Variants in SPAG7 observed in about 807,000 individuals in gnomAD.
SPAG7 encodes the protein sperm associated antigen 7.
SPAG7 carries 20 observed loss-of-function variants against 30.6 expected under a neutral mutation model. The ratio of observed to expected loss-of-function variants is 0.65; its 90% CI spans 0.46 to 0.95. SPAG7 has a LOEUF of 0.95. SPAG7 is among the 40% of genes least tolerant of loss of function. The pLI is 0.00. For synonymous variants in SPAG7, 127 were observed against 104.2 expected (o/e 1.22, Z -1.33); for missense variants, 276 against 291.1 (o/e 0.95, Z 0.38).
intron 6 of SPAG7, 25 bp downstream of exon 6, chr17:4,959,735 A>AC: frequency 6.2e-7 from 1 of 1,613,716 alleles, no homozygotes; most frequent in Non-Finnish European, 8.5e-7. Flanking sequence ...TCTCCCAGCC[A>AC]CCCCCAGCCG....
intron 1 of SPAG7, among the ~76,000 whole-genome samples, chr17:4,961,609 C>CA (rs1371553054): frequency 7.5e-6 from 1 of 134,222 alleles, no homozygotes; most frequent in Non-Finnish European, 1.6e-5. Flanking sequence ...AAAAAATATA[C>CA]AAAAAATTAG....
intron 1 of SPAG7, among the ~76,000 whole-genome samples, chr17:4,961,286 ATC>A (rs1971858296): frequency 6.6e-6 from 1 of 151,522 alleles, no homozygotes; most frequent in Non-Finnish European, 1.5e-5. Context: ...GTGAAACCCC[ATC>A]TCTACTAAAA....
rs934790867 is a variant in SPAG7 at position 4,966,630 on chromosome 17, T to C, written c.85+1090A>G. 5.1e-6 allele frequency: 5 copies of C among 985,384 alleles called. No homozygotes were observed. In the African/African-American group the frequency reaches 5.2e-5, roughly 10 times the overall value. The allele number at this position is 985,384 out of a possible 1,614,324, so 61.0% of individuals were successfully genotyped here. Reference sequence around the variant, plus strand: ...TGTTCTGATCTCGGCTCACTGCAGATTGGGGGAGAACCTCAGGTGGCCGCT... The same window carrying C: ...TGTTCTGATCTCGGCTCACTGCAGACTGGGGGAGAACCTCAGGTGGCCGCT... On this transcript the variant is annotated intron_variant, in intron 1 of 6. Coordinates refer to ENST00000206020, the MANE Select transcript of SPAG7 (RefSeq NM_004890.3).
intron 2 of SPAG7, 95 bp from the exon 3 acceptor site, chr17:4,960,642 C>CA (rs1971847367): frequency 7.4e-7 from 1 of 1,342,430 alleles, no homozygotes; most frequent in African/African-American, 1.4e-5. Context: ...GCCTCCCCAG[C>CA]ACCCTCCCCA....
intron 1 of SPAG7, among the ~76,000 whole-genome samples, chr17:4,962,739 G>A (rs1040230553): frequency 1.1e-4 from 17 of 151,776 alleles, no homozygotes; most frequent in Admixed American, 1.1e-3. Context: ...TATTAGAGAC[G>A]GGGTTTCACT....
chr17:4,964,465 C>T (rs1971915489), intron 1 of SPAG7, among the ~76,000 whole-genome samples: 2 of 147,880 alleles, frequency 1.4e-5, no homozygotes, highest in East Asian at 2.1e-4. Flanking sequence ...GGGTTCACGC[C>T]ATTCTCCTGC....
rs779721985 is a variant in SPAG7, at chr17:4,960,121, A to G, written c.328-10T>C. On this transcript the variant is annotated splice_polypyrimidine_tract_variant and intron_variant, in intron 4 of 6. Transcript: ENST00000206020. Reference sequence around the variant, plus strand: ...CTGAGGGTGCAAACTCCTGAAGAAGAGCAGAATGATGGGGTCAGAGTCCAT... The same window carrying G: ...CTGAGGGTGCAAACTCCTGAAGAAGGGCAGAATGATGGGGTCAGAGTCCAT... The G allele has an allele frequency of 3.7e-6, 6 of 1,610,642 alleles. No homozygotes were observed. Among genetic ancestry groups the G allele is most frequent in the Non-Finnish European group, 5.1e-6 (6 of 1,176,892 alleles).
Position 4,967,795 on chromosome 17 carries a change from G to T in SPAG7, c.10C>A (p.Leu4Ile), listed in dbSNP as rs748946978. The change falls in exon 1 of 7, where the codon CTA becomes ATA. Residue 4 changes from leucine to isoleucine, a missense_variant. Physicochemically the swap from Leu to Ile is conservative, Grantham distance 5. Transcript: ENST00000206020. The part of the protein sequence containing the change: MAD[L>I]LGSILSSMEK... ...ATGGAGCTCAGGATGGAGCCCAGTA[G>T]GTCCGCCATCTTGGGAGTGACTGAG... 47 of 1,613,546 alleles carry T rather than the reference G, an allele frequency of 2.9e-5. No homozygotes were observed. The highest frequency in any genetic ancestry group is 3.4e-5 in the Non-Finnish European group (40 of 1,179,602).
chr17:4,965,296 G>A (rs776150851), intron 1 of SPAG7, among the ~76,000 whole-genome samples: 1 of 152,066 alleles, frequency 6.6e-6, no homozygotes, highest in African/African-American at 2.4e-5. Context: ...TGATCTGCCC[G>A]CCTCAGCCTC....
At position 4,959,879 on chromosome 17, in the gene SPAG7, T is replaced by A; in HGVS notation, c.455A>T (p.Gln152Leu). 6.2e-7 allele frequency: 1 copy of A among 1,613,864 alleles called. No homozygotes were observed. Among genetic ancestry groups the A allele is most frequent in the South Asian group, 1.1e-5 (1 of 91,090 alleles). Reference sequence around the variant, plus strand: ...GGCAGGGCTCACCACCACAGGCCCCTGCTGGGCTGCCTCCTCCTCTTGCCT... The same window carrying A: ...GGCAGGGCTCACCACCACAGGCCCCAGCTGGGCTGCCTCCTCCTCTTGCCT... ...AQRQEEEAAQ[Q>L]GPVVVSPASD... The change falls in exon 6 of 7, where the codon CAG (glutamine) becomes CTG (leucine). Residue 152 changes from glutamine (Q) to leucine (L), a missense_variant. Physicochemically the swap from Gln to Leu is moderately radical, Grantham distance 113 (BLOSUM62 -2). Transcript: ENST00000206020.
At position 4,960,499 on chromosome 17, in the gene SPAG7, T is replaced by C; in HGVS notation, c.202A>G (p.Lys68Glu). The stretch of plus-strand genomic sequence containing the variant: ...ATCTTGTTCATTGGCTGAAACTTTT[T>C]CTTGATCTGCCCACTGTCTTGAATG... ...DFIQDSGQIK[K>E]KFQPMNKIER... The change falls in exon 3 of 7, where the codon AAA becomes GAA. Residue 68 changes from lysine to glutamate, a missense_variant. Lys to Glu is a moderately conservative substitution (Grantham distance 56). Transcript: ENST00000206020. The C allele has an allele frequency of 6.2e-7, 1 of 1,602,072 alleles. No individual in the cohort carries two copies. The highest frequency in any genetic ancestry group is 8.5e-7 in the Non-Finnish European group (1 of 1,176,698).
chr17:4,966,463 G>T (rs963436290), intron 1 of SPAG7: 1 of 524,740 alleles, frequency 1.9e-6, no homozygotes, highest in Non-Finnish European at 2.4e-6. Context: ...TCAATGCCGG[G>T]TGATCCCCCA....
At chr17:4,966,665 A>C (rs569543700) in intron 1 of SPAG7, 1 of 985,098 alleles carries the variant, frequency 1.0e-6, no homozygotes, top group African/African-American at 1.7e-5. Flanking sequence ...TCTCACAGTT[A>C]TTTTTCTCTC....
intron 1 of SPAG7, chr17:4,966,543 G>C: frequency 3.1e-6 from 3 of 970,608 alleles, no homozygotes; most frequent in Non-Finnish European, 3.7e-6. Flanking sequence ...CTTTCTCAGA[G>C]ATTTCAAATA....
At chr17:4,967,109 C>T (rs1567678064) in intron 1 of SPAG7, 3 of 985,584 alleles carry the variant, frequency 3.0e-6, no homozygotes, top group East Asian at 1.1e-4. Context: ...TATTCTCATC[C>T]CTCCAATCAA....
Position 4,960,790 on chromosome 17 carries a change from T to C in SPAG7, c.149A>G (p.Lys50Arg), listed in dbSNP as rs1468303052. Residue 50 changes from lysine (K) to arginine (R), a missense_variant, in exon 2 of 7, where the codon AAA (lysine) becomes AGA (arginine). Transcript: ENST00000206020. ...QEKQQKVEFR[K>R]RMEKEVSDFI... is the part of the protein sequence containing the mutation. ...GATCACTCCAGTTGTTCTCACCCTTTTACGAAACTCCACTTTCTGTTGTTT... is the reference window on the plus strand; with the variant it reads ...GATCACTCCAGTTGTTCTCACCCTTCTACGAAACTCCACTTTCTGTTGTTT... 1 of 1,614,096 alleles carries C rather than the reference T, an allele frequency of 6.2e-7. No individual in the cohort carries two copies.
Position 4,959,895 on chromosome 17 carries a change from C to G in SPAG7, c.439G>C (p.Glu147Gln). Residue 147 changes from glutamate to glutamine, a missense_variant, in exon 6 of 7, where the codon GAG (glutamate) becomes CAG (glutamine). Transcript: ENST00000206020. ...ACAGGCCCCTGCTGGGCTGCCTCCT[C>G]CTCTTGCCTCTGGGCCAGCTCCTAG... ...KLKELAQRQE[E>Q]EAAQQGPVVV... 3 of 1,613,608 alleles carry G rather than the reference C, an allele frequency of 1.9e-6. No homozygotes were observed. The highest frequency in any genetic ancestry group is 2.5e-6 in the Non-Finnish European group (3 of 1,179,996).
At position 4,961,478 on chromosome 17, in the gene SPAG7, G is replaced by A. The variant is rs1426509843; in HGVS notation, c.86-625C>T. ...TCTCAAAAAAAAAAAAGAGATGGCC[G>A]GGTGCAGTGGCTCACACCTGTAATC... is the stretch of plus-strand genomic sequence containing the variant. On this transcript the variant is annotated intron_variant, in intron 1 of 6. Coordinates refer to ENST00000206020, the MANE Select transcript of SPAG7 (RefSeq NM_004890.3). Among the ~76,000 whole-genome samples the A allele has an allele frequency of 4.8e-5, 7 of 147,214 alleles. No homozygotes were observed. In the South Asian group the frequency reaches 6.6e-4, roughly 14 times the overall value.
At chr17:4,965,404 C>T (rs1191728255) in intron 1 of SPAG7, among the ~76,000 whole-genome samples, 1 of 152,082 alleles carries the variant, frequency 6.6e-6, no homozygotes, top group Non-Finnish European at 1.5e-5. Context: ...TGCTTTTCCT[C>T]CTCTTGCAAA....
Sources: gnomAD v4.1 joint callset for allele counts (sites outside exome capture counted in the v4.1 genomes callset) on GRCh38, gnomAD v4.1.1 for gene constraint, MANE v1.5 for transcripts, NCBI Gene and HGNC (gene_info 2026-07-23, HGNC 2026-07-21) for gene names.